FKBP5: variants seen among roughly 807,000 people sequenced by gnomAD.
The protein encoded by FKBP5 is peptidyl-prolyl cis-trans isomerase FKBP5.
FKBP5 carries 23 observed loss-of-function variants against 50.5 expected under a neutral mutation model. The ratio of observed to expected loss-of-function variants is 0.46; its 90% confidence interval spans 0.33 to 0.65. The LOEUF (loss-of-function observed/expected upper bound fraction) is 0.65. Among genes scored for constraint, FKBP5 ranks in the 30% least tolerant of loss-of-function variants. The pLI, the probability that FKBP5 is intolerant of heterozygous loss-of-function variation, is 0.02. For missense variants in FKBP5, 411 were observed against 553.1 expected, an observed-to-expected ratio of 0.74 and a Z score of 2.58; for synonymous variants, 176 against 190.6, an observed-to-expected ratio of 0.92 and a Z score of 0.63.
chr6:35,710,203 G>A (rs896677255), intron 2 of FKBP5, among the ~76,000 whole-genome samples: 1 of 152,196 alleles, frequency 6.6e-6, no homozygotes, highest in African/African-American at 2.4e-5. Flanking sequence ...ATAGGGCTGG[G>A]CGCAGTGGTT....
intron 1 of FKBP5, among the ~76,000 whole-genome samples, chr6:35,685,659 C>A (rs1479518115): frequency 1.3e-5 from 2 of 151,858 alleles, no homozygotes; most frequent in African/African-American, 2.4e-5. Context: ...TTCTTCATGC[C>A]GGGTACAGCA....
chr6:35,633,025 C>A (rs753684536), intron 3 of FKBP5, among the ~76,000 whole-genome samples: 1 of 152,096 alleles, frequency 6.6e-6, no homozygotes, highest in Non-Finnish European at 1.5e-5. Flanking sequence ...TTTATCTTTT[C>A]AATGGGATTT....
intron 5 of FKBP5, among the ~76,000 whole-genome samples, chr6:35,602,001 G>A (rs1026987152): frequency 2.6e-5 from 4 of 152,132 alleles, no homozygotes; most frequent in Non-Finnish European, 5.9e-5. Flanking sequence ...CACATCAAGC[G>A]AGCTGCAAAA....
intron 2 of FKBP5, among the ~76,000 whole-genome samples, chr6:35,705,743 A>AT (rs1766296593): frequency 2.0e-5 from 3 of 152,286 alleles, no homozygotes; most frequent in Non-Finnish European, 4.4e-5. Flanking sequence ...TCCTTACCTC[A>AT]TTTCTTACAA....
intron 1 of FKBP5, among the ~76,000 whole-genome samples, chr6:35,649,264 A>AG (rs1285275669): frequency 6.6e-6 from 1 of 151,500 alleles, no homozygotes; most frequent in Admixed American, 6.6e-5. Flanking sequence ...AAAAAAAAAA[A>AG]AAAAAGAATT....
At chr6:35,634,694 G>A (rs1346827317) in intron 3 of FKBP5, among the ~76,000 whole-genome samples, 1 of 121,380 alleles carries the variant, frequency 8.2e-6, no homozygotes, top group Non-Finnish European at 1.8e-5. Context: ...ACATAGCCAT[G>A]GTGGTGAATA....
At chr6:35,615,930 G>A (rs1763638993) in intron 5 of FKBP5, among the ~76,000 whole-genome samples, 1 of 152,130 alleles carries the variant, frequency 6.6e-6, no homozygotes, top group Non-Finnish European at 1.5e-5. Flanking sequence ...CACTTCAGTG[G>A]TATTTTCAAA....
chr6:35,689,678 T>C (rs527457108), upstream of FKBP5, among the ~76,000 whole-genome samples: 5 of 151,862 alleles, frequency 3.3e-5, no homozygotes, highest in South Asian at 6.3e-4. Context: ...CCGTCTCTAC[T>C]AAAAATACAA....
intron 2 of FKBP5, among the ~76,000 whole-genome samples, chr6:35,713,504 G>A (rs907660556): frequency 6.6e-6 from 1 of 152,186 alleles, no homozygotes; most frequent in African/African-American, 2.4e-5. Context: ...AGGAAATGAA[G>A]GCACAGAGGT....
chr6:35,588,032 A>ATT (rs1005583768), intron 7 of FKBP5, among the ~76,000 whole-genome samples: 1 of 144,236 alleles, frequency 6.9e-6, no homozygotes, highest in Non-Finnish European at 1.5e-5. Context: ...TATTATTATT[A>ATT]TTTTTTTTTT....
intron 5 of FKBP5, among the ~76,000 whole-genome samples, chr6:35,601,347 C>A (rs902736862): frequency 6.6e-6 from 1 of 152,164 alleles, no homozygotes; most frequent in African/African-American, 2.4e-5. Context: ...CCCATTGATT[C>A]TCTACATCTA....
At chr6:35,617,714 A>C (rs377493087) in intron 5 of FKBP5, among the ~76,000 whole-genome samples, 1 of 152,248 alleles carries the variant, frequency 6.6e-6, no homozygotes, top group South Asian at 2.1e-4. Flanking sequence ...GAAATGCTGA[A>C]CACAAAAGGA....
At chr6:35,588,596 A>C (rs1762689369) in intron 7 of FKBP5, among the ~76,000 whole-genome samples, 1 of 150,230 alleles carries the variant, frequency 6.7e-6, no homozygotes, top group Non-Finnish European at 1.5e-5. Flanking sequence ...GAGACAGGAT[A>C]CTCTTTTATT....
intron 9 of FKBP5, among the ~76,000 whole-genome samples, chr6:35,578,683 G>A (rs555537086): frequency 5.2e-4 from 79 of 151,364 alleles, no homozygotes; most frequent in Admixed American, 1.4e-3. Flanking sequence ...CAGGAGAATC[G>A]CTTGAACTCG....
At chr6:35,689,013 T>A (rs1379380600), upstream of FKBP5, 1 of 151,740 alleles carries the variant, frequency 6.6e-6, no homozygotes, top group African/African-American at 2.4e-5. Context: ...GCCCCGGGGC[T>A]GTCAGTCCGC....
intron 7 of FKBP5, among the ~76,000 whole-genome samples, chr6:35,589,426 G>A (rs1249377501): frequency 6.6e-6 from 1 of 152,120 alleles, no homozygotes; most frequent in East Asian, 1.9e-4. Flanking sequence ...ACAGCGCCCA[G>A]CCTGGCCTAG....
At chr6:35,692,113 C>G (rs1765999123), upstream of FKBP5, among the ~76,000 whole-genome samples, 1 of 152,208 alleles carries the variant, frequency 6.6e-6, no homozygotes, top group Non-Finnish European at 1.5e-5. Flanking sequence ...TAGACTCATT[C>G]ACATGCATTT....
intron 7 of FKBP5, among the ~76,000 whole-genome samples, chr6:35,589,543 G>A (rs1412756224): frequency 6.6e-6 from 1 of 152,182 alleles, no homozygotes; most frequent in Non-Finnish European, 1.5e-5. Context: ...TATACTCTTG[G>A]AGTGATGACA....
rs578096380 is a variant in FKBP5, at chr6:35,612,170, C to T, written c.508+6926G>A. Among the ~76,000 whole-genome samples, 130 of 152,232 alleles carry T rather than the reference C, an allele frequency of 8.5e-4. 1 individual carries two copies. Among genetic ancestry groups the T allele is most frequent in the African/African-American group, 2.7e-3 (112 of 41,544 alleles). ...CTTAGGGAGGCCAAGGTAGGTGGATCACCTGAGGTCAGGAGTTCAAGACCA... is the reference window on the plus strand; with the variant it reads ...CTTAGGGAGGCCAAGGTAGGTGGATTACCTGAGGTCAGGAGTTCAAGACCA... On this transcript the variant is annotated intron_variant, in intron 5 of 10. Transcript: ENST00000357266.
Sources: gnomAD v4.1 joint callset for allele counts (sites outside exome capture counted in the v4.1 genomes callset) on GRCh38, gnomAD v4.1.1 for gene constraint, MANE v1.5 for transcripts, NCBI Gene and HGNC (gene_info 2026-07-23, HGNC 2026-07-21) for gene names.